PTPRM: variants seen among roughly 807,000 people sequenced by gnomAD.
PTPRM encodes the protein receptor-type tyrosine-protein phosphatase mu.
A neutral mutation model predicts 186.7 loss-of-function variants in PTPRM; 47 were observed. The observed-to-expected ratio is 0.25, with a 90% confidence interval of 0.20 to 0.32. PTPRM has a LOEUF of 0.32. Among genes scored for constraint, PTPRM ranks in the 10% least tolerant of loss-of-function variants. The pLI is 1.00. For missense variants in PTPRM, 1,494 were observed against 1,865.0 expected, an observed-to-expected ratio of 0.80 and a Z score of 3.66; for synonymous variants, 668 against 674.9, an observed-to-expected ratio of 0.99 and a Z score of 0.16.
chr18:8,003,497 AAG>A (rs1259152387), intron 7 of PTPRM, among the ~76,000 whole-genome samples: 1 of 152,206 alleles, frequency 6.6e-6, no homozygotes, highest in African/African-American at 2.4e-5. Context: ...CAGATTTAGA[AAG>A]AGAGAGGAAG....
At chr18:8,223,327 T>C (rs940522856) in intron 14 of PTPRM, among the ~76,000 whole-genome samples, 2 of 152,222 alleles carry the variant, frequency 1.3e-5, no homozygotes, top group African/African-American at 4.8e-5. Flanking sequence ...GAGTTAATTC[T>C]TGTGTCTTAT....
chr18:7,573,986 C>T (rs757737650), intron 1 of PTPRM, among the ~76,000 whole-genome samples: 3 of 152,218 alleles, frequency 2.0e-5, no homozygotes, highest in Non-Finnish European at 4.4e-5. Flanking sequence ...CCTGAATCCG[C>T]AACCCTGGGG....
In PTPRM at chr18:8,113,670, A is replaced by G; in HGVS notation, c.2041A>G (p.Asn681Asp). The G allele has an allele frequency of 6.2e-7, 1 of 1,613,802 alleles. No homozygotes were observed. Among genetic ancestry groups the G allele is most frequent in the South Asian group, 1.1e-5 (1 of 91,074 alleles). ...QAAQPFTIGD[N>D]KTYNGYWNTP... ...TGCGCAGCCTTTTACAATTGGTGAT[A>G]ATAAGACATATAATGGATACTGGAA... Residue 681 changes from asparagine (N) to aspartate (D), a missense_variant, in exon 12 of 33, where the codon AAT (asparagine) becomes GAT (aspartate). Physicochemically the swap from Asn to Asp is conservative, Grantham distance 23 (BLOSUM62 1). Transcript: ENST00000580170.
rs537283381 is a variant in PTPRM at position 7,779,403 on chromosome 18, T to C, written c.196+5132T>C. Among the ~76,000 whole-genome samples, 3 of 152,328 alleles carry C rather than the reference T, an allele frequency of 2.0e-5. No homozygotes were observed. The East Asian group carries it at 5.8e-4, about 29-fold the overall frequency. On this transcript the variant is annotated intron_variant, in intron 2 of 32. Transcript: ENST00000580170. ...GTGACTAAGAATTGAATCACGTCTG[T>C]GGGTGCCCGTATGAAAGACAGAGAG...
chr18:7,955,579 A>G (rs1292918308), intron 7 of PTPRM, among the ~76,000 whole-genome samples, 165 bp downstream of exon 7: 3 of 152,096 alleles, frequency 2.0e-5, no homozygotes, highest in Non-Finnish European at 4.4e-5. Context: ...CAGCTTGTGA[A>G]CTTGGGGACC....
chr18:7,569,550 T>C (rs2036520371), intron 1 of PTPRM, among the ~76,000 whole-genome samples: 1 of 152,252 alleles, frequency 6.6e-6, no homozygotes, highest in African/African-American at 2.4e-5. Flanking sequence ...GCCCTAGTGA[T>C]GGTTTTCTCT....
rs1204911823 is a variant in PTPRM, at chr18:8,126,902, C to G, written c.2167+12075C>G. 3.3e-5 allele frequency among the ~76,000 whole-genome samples: 5 copies of G among 151,898 alleles called. No individual in the cohort carries two copies. The East Asian group carries it at 9.7e-4, about 29-fold the overall frequency. On this transcript the variant is annotated intron_variant, in intron 13 of 32. Coordinates refer to ENST00000580170, the MANE Select transcript of PTPRM (RefSeq NM_001105244.2). ...GTCATCATGGCTGGAGAGCAGAGAGCGAAAAGGATGTGTGGGGTGAGCAGT... is the reference window on the plus strand; with the variant it reads ...GTCATCATGGCTGGAGAGCAGAGAGGGAAAAGGATGTGTGGGGTGAGCAGT...
chr18:7,737,253 G>A (rs2040790224), intron 1 of PTPRM, among the ~76,000 whole-genome samples: 1 of 151,922 alleles, frequency 6.6e-6, no homozygotes, highest in Non-Finnish European at 1.5e-5. Flanking sequence ...CCGCCACCAC[G>A]CCCATCTAAT....
chr18:7,997,491 A>G (rs1163680982), intron 7 of PTPRM, among the ~76,000 whole-genome samples: 1 of 152,134 alleles, frequency 6.6e-6, no homozygotes, highest in Non-Finnish European at 1.5e-5. Flanking sequence ...TTTTTTGTTA[A>G]AATATTGAAA....
At position 8,379,195 on chromosome 18, in the gene PTPRM, G is replaced by C; in HGVS notation, c.3641G>C (p.Arg1214Pro). ...CTAAACATGGTGACACCAACGCTGC[G>C]AGTAGAGGACTGCAGCATCGCACTG... Reference protein sequence around the residue: ...RTLNMVTPTLRVEDCSIALLP... With the variant: ...RTLNMVTPTLPVEDCSIALLP... The change falls in exon 28 of 33, where the codon CGA becomes CCA. Residue 1214 changes from arginine to proline, a missense_variant. Arg to Pro is a moderately radical substitution (Grantham distance 103). Around this residue, in one of 3 missense-constraint regions of PTPRM, gnomAD observed 1,107 missense variants for 1,350.2 expected, o/e 0.82. Coordinates refer to ENST00000580170, the MANE Select transcript of PTPRM (RefSeq NM_001105244.2). 1 of 1,612,182 alleles carries C rather than the reference G, an allele frequency of 6.2e-7. No homozygotes were observed. Among genetic ancestry groups the C allele is most frequent in the Non-Finnish European group, 8.5e-7 (1 of 1,179,028 alleles).
intron 14 of PTPRM, among the ~76,000 whole-genome samples, chr18:8,199,924 T>A (rs1250016827): frequency 6.6e-6 from 1 of 152,056 alleles, no homozygotes; most frequent in African/African-American, 2.4e-5. Flanking sequence ...GTTTTCTGAG[T>A]CAAAGCCCCA....
intron 1 of PTPRM, among the ~76,000 whole-genome samples, chr18:7,737,761 G>A (rs1014187081): frequency 1.3e-5 from 2 of 152,136 alleles, no homozygotes; most frequent in African/African-American, 4.8e-5. Context: ...CCCAAGTCAC[G>A]ATGAGAATCT....
At chr18:8,190,121 G>A (rs192563185) in intron 14 of PTPRM, among the ~76,000 whole-genome samples, 437 of 152,164 alleles carry the variant, frequency 2.9e-3, no homozygotes, top group Non-Finnish European at 5.0e-3. Context: ...CTTATTTTTT[G>A]TGGTGAGAAC....
Position 8,390,587 on chromosome 18 carries a change from T to C in PTPRM, c.4208+3352T>C, listed in dbSNP as rs371909586. Among the ~76,000 whole-genome samples, 24 of 152,236 alleles carry C rather than the reference T, an allele frequency of 1.6e-4. No homozygotes were observed. In the East Asian group the frequency reaches 2.9e-3, roughly 18 times the overall value. ...AGCCAGTAGGAAAATGATAGACAACTCAATTTATTAAATGGGCAAAAAACT... is the reference window on the plus strand; with the variant it reads ...AGCCAGTAGGAAAATGATAGACAACCCAATTTATTAAATGGGCAAAAAACT... On this transcript the variant is annotated intron_variant, in intron 31 of 32. Transcript: ENST00000580170.
At chr18:7,813,909 C>G (rs1472702281) in intron 2 of PTPRM, among the ~76,000 whole-genome samples, 1 of 152,116 alleles carries the variant, frequency 6.6e-6, no homozygotes, top group African/African-American at 2.4e-5. Context: ...CTAAAAATTT[C>G]AGATCACCTT....
intron 1 of PTPRM, among the ~76,000 whole-genome samples, chr18:7,731,377 G>T (rs2040655297): frequency 6.6e-6 from 1 of 152,128 alleles, no homozygotes; most frequent in South Asian, 2.1e-4. Context: ...AAATAGACGT[G>T]CTCAATTGAA....
intron 22 of PTPRM, among the ~76,000 whole-genome samples, chr18:8,342,182 G>A (rs1272120063): frequency 6.6e-6 from 1 of 152,190 alleles, no homozygotes; most frequent in Admixed American, 6.5e-5. Flanking sequence ...GGGAGTGACT[G>A]AAGGGCCCCT....
chr18:7,849,461 G>A (rs370046710), intron 2 of PTPRM, among the ~76,000 whole-genome samples: 172 of 152,324 alleles, frequency 1.1e-3, no homozygotes, highest in Non-Finnish European at 1.8e-3. Context: ...TCAGATGAAA[G>A]TGGATCTCTA....
chr18:7,897,324 C>T (rs1472408020), intron 3 of PTPRM, among the ~76,000 whole-genome samples: 1 of 152,164 alleles, frequency 6.6e-6, no homozygotes, highest in Non-Finnish European at 1.5e-5. Flanking sequence ...AAAAATAGAA[C>T]ATACTTTGAC....
Sources: allele counts gnomAD v4.1 joint callset (sites outside exome capture counted in the v4.1 genomes callset), GRCh38; gene constraint gnomAD v4.1.1; regional missense constraint gnomAD v4.1.1; transcripts MANE v1.5; gene names NCBI Gene and HGNC (gene_info 2026-07-23, HGNC 2026-07-21).